The following CAMTA1 variants were observed in gnomAD, a reference collection of about 807,000 sequenced individuals.
CAMTA1 encodes calmodulin binding transcription activator 1, also known as calmodulin-binding transcription activator 1.
Under a neutral mutation model 170.9 loss-of-function variants are expected in CAMTA1, and 27 were observed. The observed-to-expected ratio is 0.16, with a 90% confidence interval of 0.12 to 0.22. The LOEUF is 0.22. Among genes scored for constraint, CAMTA1 ranks in the 10% least tolerant of loss-of-function variants. CAMTA1 has a pLI of 1.00. For synonymous variants in CAMTA1, 833 were observed against 891.5 expected (o/e 0.93, Z 1.17); for missense variants, 1,619 against 2,217.2 (o/e 0.73, Z 5.42).
At position 7,592,620 on chromosome 1, in the gene CAMTA1, T is replaced by C. The variant is rs140015903; in HGVS notation, c.511-47780T>C. On this transcript the variant is annotated intron_variant, in intron 6 of 22. Transcript: ENST00000303635. The surrounding 1 kb of genome is among the most constrained non-coding windows in gnomAD (Gnocchi z 4.6). ...CTGCAAGCCACCTACCAGTGCGGAATGAGTGGGGAGTGTCCAGGCGTTGCT... is the reference window on the plus strand; with the variant it reads ...CTGCAAGCCACCTACCAGTGCGGAACGAGTGGGGAGTGTCCAGGCGTTGCT... Among the ~76,000 whole-genome samples the C allele has an allele frequency of 8.4e-4, 128 of 152,230 alleles. 4 individuals carry two copies. The East Asian group carries it at 0.023, about 27-fold the overall frequency.
At chr1:7,672,671 T>C (rs891572362) in intron 10 of CAMTA1, among the ~76,000 whole-genome samples, 3 of 152,076 alleles carry the variant, frequency 2.0e-5, no homozygotes, top group East Asian at 3.9e-4. Context: ...TCCGCCCACC[T>C]TGGCCTCCCA....
At chr1:7,322,393 C>A (rs1291896904) in intron 5 of CAMTA1, among the ~76,000 whole-genome samples, 2 of 152,178 alleles carry the variant, frequency 1.3e-5, no homozygotes, top group East Asian at 3.8e-4. Context: ...GGCTTACTAG[C>A]CATATGATCT....
At chr1:7,209,317 G>T (rs949613871) in intron 4 of CAMTA1, among the ~76,000 whole-genome samples, 1 of 152,190 alleles carries the variant, frequency 6.6e-6, no homozygotes, top group Non-Finnish European at 1.5e-5. Flanking sequence ...TGCCAAGTTT[G>T]TTGTTTTAGA....
intron 5 of CAMTA1, among the ~76,000 whole-genome samples, chr1:7,449,182 A>G (rs2092752052): frequency 6.6e-6 from 1 of 152,228 alleles, no homozygotes; most frequent in Admixed American, 6.5e-5. Flanking sequence ...TGGATTCTAG[A>G]CAAACCACAA....
intron 5 of CAMTA1, among the ~76,000 whole-genome samples, chr1:7,423,771 G>A (rs1407321068): frequency 1.3e-5 from 2 of 152,102 alleles, no homozygotes; most frequent in Non-Finnish European, 2.9e-5. Context: ...TCGTATGGCC[G>A]AGTGTTTGTG....
intron 6 of CAMTA1, among the ~76,000 whole-genome samples, chr1:7,491,594 T>C (rs747219557): frequency 4.6e-5 from 7 of 152,142 alleles, no homozygotes; most frequent in Non-Finnish European, 7.4e-5. Flanking sequence ...AGCACTTCGG[T>C]GATTTTTTTT....
intron 4 of CAMTA1, among the ~76,000 whole-genome samples, chr1:7,177,772 C>T (rs4908604): frequency 0.043 from 6,420 of 150,774 alleles, 327 homozygotes; most frequent in East Asian, 0.22. Flanking sequence ...CCTGCCCACA[C>T]GCCAAGGCTC....
At chr1:7,488,506 C>T (rs1344633267) in intron 6 of CAMTA1, among the ~76,000 whole-genome samples, 5 of 152,232 alleles carry the variant, frequency 3.3e-5, no homozygotes. Context: ...CACACACGCA[C>T]ATACACACAC....
At position 7,234,398 on chromosome 1, in the gene CAMTA1, G is replaced by T. The variant is rs546353653; in HGVS notation, c.303-15093G>T. On this transcript the variant is annotated intron_variant, in intron 4 of 22. Coordinates refer to ENST00000303635, the MANE Select transcript of CAMTA1 (RefSeq NM_015215.4). The surrounding 1 kb of genome is among the most constrained non-coding windows in gnomAD (Gnocchi z 5.0). ...CAAACCCACTCATTCGCTATCTCTG[G>T]TGGGTCCCCTTTCCCTCCTGCAGCT... is the stretch of plus-strand genomic sequence containing the variant. Among the ~76,000 whole-genome samples the T allele has an allele frequency of 6.6e-6, 1 of 152,232 alleles. No homozygotes were observed. The highest frequency in any genetic ancestry group is 2.1e-4 in the South Asian group (1 of 4,814).
At chr1:7,380,779 T>C (rs1448459361) in intron 5 of CAMTA1, among the ~76,000 whole-genome samples, 1 of 152,196 alleles carries the variant, frequency 6.6e-6, no homozygotes, top group Non-Finnish European at 1.5e-5. Context: ...TTAGGCACTT[T>C]GGGCTCTATG....
chr1:7,258,193 A>T (rs1371959294), intron 5 of CAMTA1, among the ~76,000 whole-genome samples: 1 of 152,210 alleles, frequency 6.6e-6, no homozygotes, highest in Non-Finnish European at 1.5e-5. Flanking sequence ...AAGATGTGCC[A>T]GGAATATGTA....
intron 1 of CAMTA1, among the ~76,000 whole-genome samples, chr1:6,812,236 G>A (rs1380009795): frequency 1.3e-5 from 2 of 152,212 alleles, no homozygotes; most frequent in Non-Finnish European, 2.9e-5. Flanking sequence ...TCACACAGTA[G>A]TATGGGAGAA....
intron 3 of CAMTA1, among the ~76,000 whole-genome samples, chr1:6,881,739 G>C (rs1023343292): frequency 6.6e-6 from 1 of 152,208 alleles, no homozygotes; most frequent in African/African-American, 2.4e-5. Context: ...AGGCCAGTGT[G>C]GGCGGATCTT....
intron 3 of CAMTA1, among the ~76,000 whole-genome samples, chr1:7,002,576 C>T (rs887795980): frequency 2.0e-5 from 3 of 152,146 alleles, no homozygotes; most frequent in Admixed American, 6.5e-5. Flanking sequence ...TAGAAATGAC[C>T]GACAAGACAG....
At chr1:7,533,916 CA>C (rs888703836) in intron 6 of CAMTA1, among the ~76,000 whole-genome samples, 7 of 148,706 alleles carry the variant, frequency 4.7e-5, no homozygotes, top group Middle Eastern at 3.4e-3. Flanking sequence ...CTTGTCCCCC[CA>C]AAAAAAAATG....
At chr1:6,991,106 T>C (rs1041694679) in intron 3 of CAMTA1, among the ~76,000 whole-genome samples, 5 of 152,136 alleles carry the variant, frequency 3.3e-5, no homozygotes, top group Non-Finnish European at 2.9e-5. Context: ...TAGTATTCCA[T>C]TGTATGAATG....
intron 3 of CAMTA1, among the ~76,000 whole-genome samples, chr1:6,940,204 GA>G (rs1041711918): frequency 2.6e-5 from 4 of 152,232 alleles, no homozygotes; most frequent in African/African-American, 7.2e-5. Context: ...TGGCTCATGA[GA>G]TTATGGAGGC....
At chr1:7,185,141 G>C (rs1158243823) in intron 4 of CAMTA1, among the ~76,000 whole-genome samples, 1 of 152,206 alleles carries the variant, frequency 6.6e-6, no homozygotes, top group Non-Finnish European at 1.5e-5. Flanking sequence ...TGTTGGGTTG[G>C]AATTTGAGGT....
rs145654517 is a variant in CAMTA1 at position 6,855,735 on chromosome 1, C to T, written c.234+30525C>T. On this transcript the variant is annotated intron_variant, in intron 3 of 22. Transcript: ENST00000303635. ...ATAATTACTAATTATAACAGGGAAT[C>T]GAAGTAAGGAGGGATTTGGTTAGGC... is the stretch of plus-strand genomic sequence containing the variant. Among the ~76,000 whole-genome samples, 519 of 151,960 alleles carry T rather than the reference C, an allele frequency of 3.4e-3. 2 individuals carry two copies. Among genetic ancestry groups the T allele is most frequent in the Non-Finnish European group, 5.6e-3 (380 of 67,974 alleles).
Sources: allele counts gnomAD v4.1 joint callset (sites outside exome capture counted in the v4.1 genomes callset), GRCh38; gene constraint gnomAD v4.1.1; non-coding constraint Gnocchi (gnomAD v3.1); transcripts MANE v1.5; gene names NCBI Gene and HGNC (gene_info 2026-07-23, HGNC 2026-07-21).